The following LYPLAL1 variants were observed in gnomAD, a reference collection of about 807,000 sequenced individuals.
LYPLAL1 encodes the protein lysophospholipase like 1, also known as lysophospholipase-like protein 1.
LYPLAL1 carries 23 observed loss-of-function variants against 19.7 expected under a neutral mutation model. The observed-to-expected ratio is 1.17, with a 90% CI of 0.84 to 1.65. The LOEUF is 1.65. Ranked by LOEUF, LYPLAL1 falls within the 40% of genes most tolerant of loss-of-function variation. LYPLAL1 has a pLI of 0.00. For missense variants in LYPLAL1, 355 were observed against 279.4 expected (o/e 1.27, Z -1.93); for synonymous variants, 119 against 96.3 (o/e 1.24, Z -1.38).
the LYPLAL1 span, among the ~76,000 whole-genome samples, chr1:219,265,599 A>G: frequency 2.0e-5 from 3 of 152,216 alleles, no homozygotes; most frequent in Admixed American, 6.5e-5. Context: ...CTAGTTTAAT[A>G]ATCATACATT....
the LYPLAL1 span, among the ~76,000 whole-genome samples, chr1:219,404,367 G>A: frequency 2.6e-5 from 4 of 152,120 alleles, no homozygotes; most frequent in Non-Finnish European, 4.4e-5. Context: ...TTCCAGAGGG[G>A]TTGCTAATAA....
At chr1:219,390,761 A>C in the LYPLAL1 span, among the ~76,000 whole-genome samples, 1 of 152,082 alleles carries the variant, frequency 6.6e-6, no homozygotes, top group African/African-American at 2.4e-5. Flanking sequence ...ACTTGCATGC[A>C]TTATGCACCT....
the LYPLAL1 span, among the ~76,000 whole-genome samples, chr1:219,335,837 C>T: frequency 1.1e-4 from 17 of 151,580 alleles, no homozygotes; most frequent in African/African-American, 3.1e-4. Context: ...CAGATACAAA[C>T]CCAATTAGCA....
the LYPLAL1 span, among the ~76,000 whole-genome samples, chr1:219,278,278 G>T: frequency 6.6e-6 from 1 of 152,056 alleles, no homozygotes; most frequent in African/African-American, 2.4e-5. Flanking sequence ...GCCTCTTTTT[G>T]TCTGAGGACT....
intron 2 of LYPLAL1, among the ~76,000 whole-genome samples, chr1:219,185,767 C>G (rs1656672618): frequency 1.3e-5 from 2 of 151,902 alleles, no homozygotes; most frequent in Non-Finnish European, 2.9e-5. Flanking sequence ...TGCCTTTGGT[C>G]TTATTACCGT....
chr1:219,439,037 G>T, the LYPLAL1 span, among the ~76,000 whole-genome samples: 2 of 151,772 alleles, frequency 1.3e-5, no homozygotes, highest in Non-Finnish European at 2.9e-5. Flanking sequence ...ATTTCTCTTT[G>T]CTCTCCGACT....
At chr1:219,406,097 A>G in the LYPLAL1 span, among the ~76,000 whole-genome samples, 37 of 152,344 alleles carry the variant, frequency 2.4e-4, no homozygotes, top group African/African-American at 8.7e-4. Context: ...TTGAGATTTG[A>G]GAATCCCATT....
chr1:219,274,681 G>T, the LYPLAL1 span, among the ~76,000 whole-genome samples: 7 of 152,238 alleles, frequency 4.6e-5, no homozygotes, highest in East Asian at 1.4e-3. Flanking sequence ...ACCGCCCCCG[G>T]CCAGTTTTGT....
At chr1:219,407,267 G>C in the LYPLAL1 span, among the ~76,000 whole-genome samples, 18 of 152,280 alleles carry the variant, frequency 1.2e-4, no homozygotes, top group African/African-American at 2.9e-4. Flanking sequence ...GTGATGCTTT[G>C]TTTGGATTTG....
chr1:219,315,298 T>C, the LYPLAL1 span, among the ~76,000 whole-genome samples: 2 of 152,172 alleles, frequency 1.3e-5, no homozygotes. Context: ...AAGTCAAAAA[T>C]TTTTATGAAA....
At chr1:219,210,719 T>A in intron 4 of LYPLAL1, 72 bp downstream of exon 4, 1 of 1,398,002 alleles carries the variant, frequency 7.2e-7, no homozygotes, top group Non-Finnish European at 9.7e-7. Flanking sequence ...GCAAAATCGG[T>A]AATAAAGCTG....
chr1:219,246,190 G>A, the LYPLAL1 span, among the ~76,000 whole-genome samples: 180 of 152,106 alleles, frequency 1.2e-3, no homozygotes, highest in Non-Finnish European at 2.2e-3. Flanking sequence ...GATGCCATCC[G>A]TGGTCCGTAT....
the LYPLAL1 span, among the ~76,000 whole-genome samples, chr1:219,387,083 A>G: frequency 6.6e-6 from 1 of 152,108 alleles, no homozygotes; most frequent in Non-Finnish European, 1.5e-5. Context: ...ATCCTGCATA[A>G]TCTGGACACT....
At chr1:219,202,425 A>G (rs1031512688) in intron 3 of LYPLAL1, among the ~76,000 whole-genome samples, 7 of 152,202 alleles carry the variant, frequency 4.6e-5, no homozygotes, top group Admixed American at 2.6e-4. Flanking sequence ...TCAGTGGTAT[A>G]TGAGCTCTGC....
intron 3 of LYPLAL1, among the ~76,000 whole-genome samples, chr1:219,197,406 G>A (rs2125077643): frequency 6.6e-6 from 1 of 152,274 alleles, no homozygotes; most frequent in East Asian, 1.9e-4. Flanking sequence ...AAATGGTGCT[G>A]AGTAAACTGG....
intron 3 of LYPLAL1, among the ~76,000 whole-genome samples, chr1:219,199,420 C>G (rs1432680111): frequency 6.6e-6 from 1 of 151,628 alleles, no homozygotes; most frequent in East Asian, 1.9e-4. Flanking sequence ...TCAAACCTCT[C>G]TTAAAGCTGG....
chr1:219,314,426 A>G, the LYPLAL1 span, among the ~76,000 whole-genome samples: 1 of 152,066 alleles, frequency 6.6e-6, no homozygotes, highest in African/African-American at 2.4e-5. Flanking sequence ...GTTGACAGAG[A>G]GTTTTTATTT....
the LYPLAL1 span, among the ~76,000 whole-genome samples, chr1:219,416,340 T>C: frequency 6.6e-6 from 1 of 152,202 alleles, no homozygotes; most frequent in South Asian, 2.1e-4. Flanking sequence ...CAGGGATTTT[T>C]GTAGAATGTC....
the LYPLAL1 span, among the ~76,000 whole-genome samples, chr1:219,422,993 C>T: frequency 3.3e-5 from 5 of 152,116 alleles, no homozygotes; most frequent in African/African-American, 4.8e-5. Flanking sequence ...GAACCCATGA[C>T]GGAGCATGCA....
Sources: allele counts gnomAD v4.1 joint callset (sites outside exome capture counted in the v4.1 genomes callset), GRCh38; gene constraint gnomAD v4.1.1; transcripts MANE v1.5; gene names NCBI Gene and HGNC (gene_info 2026-07-23, HGNC 2026-07-21).